STPG2: variants seen among roughly 807,000 people sequenced by gnomAD.
The protein encoded by STPG2 is sperm tail PG-rich repeat containing 2.
STPG2 carries 56 observed loss-of-function variants against 54.2 expected under a neutral mutation model. The observed-to-expected ratio is 1.03, with a 90% confidence interval of 0.83 to 1.29. STPG2 has a LOEUF of 1.29. STPG2 is among the 50% of genes most tolerant of loss of function. The pLI is 0.00. For synonymous variants in STPG2, 200 were observed against 181.8 expected (o/e 1.10, Z -0.81); for missense variants, 596 against 544.9 (o/e 1.09, Z -0.93).
chr4:97,785,557 G>A (rs186457898), intron 9 of STPG2, among the ~76,000 whole-genome samples: 1 of 152,112 alleles, frequency 6.6e-6, no homozygotes, highest in Non-Finnish European at 1.5e-5. Context: ...TAGGAGATTG[G>A]ATCTCTTTAA....
intron 4 of STPG2, among the ~76,000 whole-genome samples, chr4:97,465,515 A>G (rs1729766671): frequency 6.6e-6 from 1 of 152,102 alleles, no homozygotes; most frequent in South Asian, 2.1e-4. Flanking sequence ...GTTTAATCAT[A>G]TGAATCATAT....
At chr4:98,097,516 A>G (rs1319894539) in intron 5 of STPG2, among the ~76,000 whole-genome samples, 1 of 152,198 alleles carries the variant, frequency 6.6e-6, no homozygotes, top group African/African-American at 2.4e-5. Flanking sequence ...CCCTCAGTCA[A>G]TATCATACTG....
chr4:97,802,759 C>T (rs1727437872), intron 9 of STPG2, among the ~76,000 whole-genome samples: 1 of 152,150 alleles, frequency 6.6e-6, no homozygotes, highest in Non-Finnish European at 1.5e-5. Flanking sequence ...GTGTGAGCCA[C>T]CGCGCCCGGC....
intron 5 of STPG2, among the ~76,000 whole-genome samples, chr4:98,044,207 T>G (rs1737054082): frequency 6.6e-6 from 1 of 152,172 alleles, no homozygotes; most frequent in African/African-American, 2.4e-5. Flanking sequence ...GAATTAAAAG[T>G]GATTTACTCA....
At chr4:97,646,186 C>T (rs1361358549) in intron 10 of STPG2, among the ~76,000 whole-genome samples, 2 of 152,096 alleles carry the variant, frequency 1.3e-5, no homozygotes, top group Admixed American at 1.3e-4. Context: ...CCTTGAAGTT[C>T]TATGACAAAT....
chr4:97,951,509 T>TC (rs1157831859), intron 7 of STPG2, among the ~76,000 whole-genome samples: 1 of 152,138 alleles, frequency 6.6e-6, no homozygotes. Flanking sequence ...TATTTCTTTT[T>TC]CCCCCCTTAA....
chr4:97,755,797 T>C (rs1725710374), intron 9 of STPG2, among the ~76,000 whole-genome samples: 1 of 152,232 alleles, frequency 6.6e-6, no homozygotes, highest in African/African-American at 2.4e-5. Context: ...AAAATTCATG[T>C]TATTTTATGG....
intron 5 of STPG2, among the ~76,000 whole-genome samples, chr4:97,995,396 C>T (rs1015094690): frequency 2.0e-5 from 3 of 151,856 alleles, no homozygotes. Flanking sequence ...GAAAAGTATA[C>T]AATGTGGGTC....
intron 5 of STPG2, among the ~76,000 whole-genome samples, chr4:97,998,165 T>C (rs146574070): frequency 6.6e-6 from 1 of 152,230 alleles, no homozygotes; most frequent in African/African-American, 2.4e-5. Context: ...TGTAATCCCA[T>C]GCTTCCATTA....
At chr4:98,045,254 A>T (rs889366428) in intron 5 of STPG2, among the ~76,000 whole-genome samples, 15 of 152,144 alleles carry the variant, frequency 9.9e-5, no homozygotes, top group African/African-American at 3.6e-4. Context: ...ACCTGAACAG[A>T]GGACTAGAAC....
chr4:97,886,270 T>C (rs748259585), intron 8 of STPG2, among the ~76,000 whole-genome samples: 6 of 152,050 alleles, frequency 3.9e-5, no homozygotes, highest in Admixed American at 1.3e-4. Context: ...AAAGACTAAA[T>C]CAATTAAAAG....
intron 9 of STPG2, among the ~76,000 whole-genome samples, chr4:97,799,663 G>T (rs1299520841): frequency 6.6e-6 from 1 of 152,058 alleles, no homozygotes; most frequent in South Asian, 2.1e-4. Flanking sequence ...TATGTGTCTT[G>T]GAGTTGCTCT....
intron 4 of STPG2, among the ~76,000 whole-genome samples, chr4:97,465,517 G>T (rs1729766736): frequency 6.6e-6 from 1 of 151,864 alleles, no homozygotes; most frequent in Admixed American, 6.6e-5. Context: ...TTAATCATAT[G>T]AATCATATAT....
chr4:97,507,269 G>A (rs1377142501), intron 4 of STPG2, among the ~76,000 whole-genome samples: 1 of 151,964 alleles, frequency 6.6e-6, no homozygotes, highest in African/African-American at 2.4e-5. Flanking sequence ...TTTAACACCA[G>A]AATTATGACT....
intron 8 of STPG2, among the ~76,000 whole-genome samples, chr4:97,940,073 T>C (rs941317537): frequency 1.3e-5 from 2 of 152,222 alleles, no homozygotes; most frequent in African/African-American, 4.8e-5. Context: ...TTAACTTAGC[T>C]GGATATAAAA....
At chr4:97,952,076 G>A (rs1471814706) in intron 7 of STPG2, among the ~76,000 whole-genome samples, 1 of 152,014 alleles carries the variant, frequency 6.6e-6, no homozygotes, top group Admixed American at 6.6e-5. Flanking sequence ...CATCAGACAG[G>A]CACCTATTTT....
In STPG2 at chr4:98,029,226, A is replaced by G. The variant is rs887566824; in HGVS notation, c.613-47908T>C. 2.0e-5 allele frequency among the ~76,000 whole-genome samples: 3 copies of G among 152,152 alleles called. No individual in the cohort carries two copies. In the East Asian group the frequency reaches 5.8e-4, roughly 29 times the overall value. ...CACACTTGGCTAATAGTCCTGTTCA[A>G]TCTTCTATAACCTCACTGAGGTCTC... On this transcript the variant is annotated intron_variant, in intron 5 of 10. Transcript: ENST00000295268.
intron 10 of STPG2, among the ~76,000 whole-genome samples, chr4:97,626,179 T>C (rs904533968): frequency 6.6e-6 from 1 of 152,108 alleles, no homozygotes; most frequent in Non-Finnish European, 1.5e-5. Flanking sequence ...TCAAGAAAAA[T>C]ATCATAAACT....
intron 10 of STPG2, among the ~76,000 whole-genome samples, chr4:97,569,814 A>G (rs1732552884): frequency 6.6e-6 from 1 of 152,112 alleles, no homozygotes; most frequent in African/African-American, 2.4e-5. Flanking sequence ...GTCTCAAAGT[A>G]TCTCCCTATA....
Sources: gnomAD v4.1 joint callset for allele counts (sites outside exome capture counted in the v4.1 genomes callset) on GRCh38, gnomAD v4.1.1 for gene constraint, MANE v1.5 for transcripts, NCBI Gene and HGNC (gene_info 2026-07-23, HGNC 2026-07-21) for gene names.